ROBO1: variants seen among roughly 807,000 people sequenced by gnomAD.
The protein encoded by ROBO1 is roundabout guidance receptor 1.
Under a neutral mutation model 195.9 loss-of-function variants are expected in ROBO1, and 149 were observed. The observed-to-expected ratio is 0.76, with a 90% CI of 0.67 to 0.87. ROBO1 has a LOEUF of 0.87. ROBO1 is among the 40% of genes least tolerant of loss of function. ROBO1 has a pLI of 0.00. For missense variants in ROBO1, 1,933 were observed against 2,068.3 expected (o/e 0.93, Z 1.27); for synonymous variants, 816 against 733.2 (o/e 1.11, Z -1.82).
chr3:79,370,201 GAA>G (rs536594834), intron 2 of ROBO1, among the ~76,000 whole-genome samples: 254 of 141,506 alleles, frequency 1.8e-3, no homozygotes, highest in African/African-American at 6.1e-3. Flanking sequence ...TTAAAAATTG[GAA>G]AAAAAAAAAA....
At chr3:78,927,546 T>C (rs1021314037) in intron 4 of ROBO1, among the ~76,000 whole-genome samples, 28 of 152,170 alleles carry the variant, frequency 1.8e-4, no homozygotes, top group African/African-American at 6.8e-4. Context: ...ACTGAAGTCT[T>C]ACAGAAAAGA....
rs778954802 is a variant in ROBO1 at position 78,659,752 on chromosome 3, A to T, written c.2376T>A (p.Thr792=). 2.5e-6 allele frequency: 4 copies of T among 1,597,964 alleles called. No homozygotes were observed. In the Admixed American group the frequency reaches 6.9e-5, roughly 28 times the overall value. ...GTGGCTGCCAACTAACTAGAATTGC[A>T]GTTCCGTTTCCATCATTCTTGGATA... The part of the protein sequence containing the change: ...VTVSKNDGNG[T]AILVSWQPPP... The change falls in exon 17 of 31, where the codon ACT becomes ACA. Residue 792 remains threonine (T), a synonymous_variant. Transcript: ENST00000464233.
intron 1 of ROBO1, among the ~76,000 whole-genome samples, chr3:79,691,857 G>A (rs1373857115): frequency 6.6e-6 from 1 of 151,856 alleles, no homozygotes; most frequent in Non-Finnish European, 1.5e-5. Flanking sequence ...TGGTGTTGCT[G>A]TTTCAGTCAT....
At chr3:79,606,010 A>C (rs968011520) in intron 1 of ROBO1, among the ~76,000 whole-genome samples, 1 of 146,670 alleles carries the variant, frequency 6.8e-6, no homozygotes, top group African/African-American at 2.6e-5. Context: ...ATATATATAT[A>C]CCCATTTATA....
intron 3 of ROBO1, among the ~76,000 whole-genome samples, chr3:79,098,360 T>C (rs1202806897): frequency 6.6e-6 from 1 of 151,828 alleles, no homozygotes; most frequent in Non-Finnish European, 1.5e-5. Context: ...TTAGGAGCAA[T>C]ATGTCCAATC....
intron 2 of ROBO1, among the ~76,000 whole-genome samples, chr3:79,265,714 C>T (rs1320434931): frequency 2.0e-5 from 3 of 150,856 alleles, no homozygotes; most frequent in Non-Finnish European, 3.0e-5. Context: ...CTGAAGAAAC[C>T]AATATATAAT....
chr3:79,748,578 T>C (rs1271481346), intron 1 of ROBO1, among the ~76,000 whole-genome samples: 2 of 152,160 alleles, frequency 1.3e-5, no homozygotes, highest in Admixed American at 6.6e-5. Context: ...GATATGGTTT[T>C]GCTGTGTCCC....
At chr3:78,689,088 ATC>A (rs1346732074) in intron 8 of ROBO1, among the ~76,000 whole-genome samples, 1 of 152,212 alleles carries the variant, frequency 6.6e-6, no homozygotes, top group Non-Finnish European at 1.5e-5. Context: ...AACAAATATT[ATC>A]TTTTCTCCTT....
intron 4 of ROBO1, among the ~76,000 whole-genome samples, chr3:78,910,280 A>G (rs1214372922): frequency 2.6e-5 from 4 of 151,900 alleles, no homozygotes; most frequent in Admixed American, 2.6e-4. Context: ...TTATAAATTC[A>G]TCTTTTATAT....
chr3:78,821,161 A>AT (rs71631622), intron 4 of ROBO1, among the ~76,000 whole-genome samples: 5,519 of 122,166 alleles, frequency 0.045, 219 homozygotes, highest in Non-Finnish European at 0.058. Context: ...TATGATACTG[A>AT]TTTTTTTTTT....
At chr3:79,176,018 T>C (rs550603426) in intron 2 of ROBO1, among the ~76,000 whole-genome samples, 1 of 152,300 alleles carries the variant, frequency 6.6e-6, no homozygotes, top group East Asian at 1.9e-4. Flanking sequence ...GTTACGCTGA[T>C]CAACTGGCTA....
chr3:79,668,837 C>G (rs1326132001), intron 1 of ROBO1, among the ~76,000 whole-genome samples: 1 of 151,570 alleles, frequency 6.6e-6, no homozygotes, highest in Non-Finnish European at 1.5e-5. Context: ...TCAAAGAAAA[C>G]GGGAATAGAT....
chr3:79,611,339 T>C (rs1576114285), intron 1 of ROBO1, among the ~76,000 whole-genome samples: 1 of 152,006 alleles, frequency 6.6e-6, no homozygotes, highest in South Asian at 2.1e-4. Context: ...TAAACATAAA[T>C]GATAGAAAAC....
At chr3:79,727,234 AG>A (rs1318612998) in intron 1 of ROBO1, among the ~76,000 whole-genome samples, 1 of 152,176 alleles carries the variant, frequency 6.6e-6, no homozygotes, top group Non-Finnish European at 1.5e-5. Flanking sequence ...CAGGTGAAAA[AG>A]CTAGGGATTG....
At chr3:79,393,184 C>T (rs1030149735) in intron 2 of ROBO1, among the ~76,000 whole-genome samples, 3 of 152,158 alleles carry the variant, frequency 2.0e-5, no homozygotes, top group Non-Finnish European at 4.4e-5. Context: ...GCCATTGAGC[C>T]TACTTGATGC....
rs139721698 is a variant in ROBO1 at position 79,142,448 on chromosome 3, T to C, written c.89-16909A>G. Among the ~76,000 whole-genome samples the C allele has an allele frequency of 2.0e-4, 30 of 152,242 alleles. No homozygotes were observed. In the East Asian group the frequency reaches 4.8e-3, roughly 25 times the overall value. On this transcript the variant is annotated intron_variant, in intron 2 of 30. Transcript: ENST00000464233. ...AGAAGGAAGAAGATTTGAAGGTATT[T>C]GAAGATACTGCACCAACTAATTCCT...
intron 1 of ROBO1, among the ~76,000 whole-genome samples, chr3:79,617,345 A>G (rs1475871091): frequency 2.0e-5 from 3 of 152,108 alleles, no homozygotes; most frequent in Non-Finnish European, 4.4e-5. Context: ...GAAAGAAGAT[A>G]ATCTTCCTGA....
At chr3:78,714,776 C>G in intron 7 of ROBO1, 1 of 369,380 alleles carries the variant, frequency 2.7e-6, no homozygotes, top group Non-Finnish European at 4.8e-6. Context: ...CTTATTTCCT[C>G]AAGCTCCTGT....
At chr3:79,084,236 C>T (rs555010351) in intron 3 of ROBO1, among the ~76,000 whole-genome samples, 1 of 152,144 alleles carries the variant, frequency 6.6e-6, no homozygotes, top group East Asian at 1.9e-4. Context: ...CGGTGGCTCA[C>T]GCCTGTAATC....
Sources: gnomAD v4.1 joint callset for allele counts (sites outside exome capture counted in the v4.1 genomes callset) on GRCh38, gnomAD v4.1.1 for gene constraint, MANE v1.5 for transcripts, NCBI Gene and HGNC (gene_info 2026-07-23, HGNC 2026-07-21) for gene names.